The following RBFOX3 variants were observed in gnomAD, a reference collection of about 807,000 sequenced individuals.
RBFOX3 encodes the protein RNA binding protein fox-1 homolog 3.
A neutral mutation model predicts 48.7 loss-of-function variants in RBFOX3; 17 were observed. The ratio of observed to expected loss-of-function variants is 0.35; its 90% CI spans 0.24 to 0.52. RBFOX3 has a LOEUF of 0.52. Ranked by LOEUF, RBFOX3 falls within the 20% of genes least tolerant of loss-of-function variation. RBFOX3 has a pLI of 0.94. For synonymous variants in RBFOX3, 212 were observed against 209.5 expected (o/e 1.01, Z -0.10); for missense variants, 382 against 497.5 (o/e 0.77, Z 2.21).
intron 2 of RBFOX3, among the ~76,000 whole-genome samples, chr17:79,454,595 C>T (rs1202011262): frequency 1.3e-5 from 2 of 152,176 alleles, no homozygotes; most frequent in Non-Finnish European, 2.9e-5. Flanking sequence ...CAAGAAAGTC[C>T]AAGGAAGAAT....
At chr17:79,310,082 G>T (rs2076637931) in intron 2 of RBFOX3, among the ~76,000 whole-genome samples, 1 of 152,194 alleles carries the variant, frequency 6.6e-6, no homozygotes, top group Admixed American at 6.5e-5. Context: ...AGCCGCAGGT[G>T]CTCAGGGAAT....
At chr17:79,470,887 C>T (rs1424087700) in intron 2 of RBFOX3, among the ~76,000 whole-genome samples, 2 of 152,078 alleles carry the variant, frequency 1.3e-5, no homozygotes, top group East Asian at 1.9e-4. Context: ...TGGAGTCTTC[C>T]GGGGAAAATG....
intron 2 of RBFOX3, among the ~76,000 whole-genome samples, chr17:79,377,576 A>G (rs763243178): frequency 3.9e-5 from 6 of 152,180 alleles, no homozygotes; most frequent in Non-Finnish European, 7.4e-5. Context: ...CTTTGGTAGG[A>G]CGCAGAGCTG....
chr17:79,223,057 C>T (rs2059915074), intron 4 of RBFOX3, among the ~76,000 whole-genome samples: 1 of 152,136 alleles, frequency 6.6e-6, no homozygotes, highest in Admixed American at 6.5e-5. Context: ...AAACAAGCTG[C>T]CTGTCTCCTG....
chr17:79,469,394 C>A (rs2076776697), intron 2 of RBFOX3, among the ~76,000 whole-genome samples: 1 of 152,220 alleles, frequency 6.6e-6, no homozygotes, highest in Non-Finnish European at 1.5e-5. Context: ...AGGGACCAGA[C>A]CTGACCTGAA....
rs62063999 is a variant in RBFOX3 at position 79,390,041 on chromosome 17, T to G, written c.-174-82217A>C. On this transcript the variant is annotated intron_variant, in intron 2 of 14. Coordinates refer to ENST00000693108, the MANE Select transcript of RBFOX3 (RefSeq NM_001350451.2). The surrounding 1 kb of genome is among the most constrained non-coding windows in gnomAD (Gnocchi z 4.2). The stretch of plus-strand genomic sequence containing the variant: ...CCGCAGCCTCCAGGTCTCCGTAGCC[T>G]CCAGGTCTCCGCAGCCGCCGGGTCT... Among the ~76,000 whole-genome samples, 4,265 of 52,658 alleles carry G rather than the reference T, an allele frequency of 0.081. 80 individuals are homozygous for G. The highest frequency in any genetic ancestry group is 0.14 in the Middle Eastern group (11 of 78). The allele number at this position is 52,658 out of a possible 152,430, so 34.5% of individuals were successfully genotyped here.
Position 79,214,141 on chromosome 17 carries a change from T to C in RBFOX3, c.-34+21625A>G, listed in dbSNP as rs895756452. 6.6e-6 allele frequency among the ~76,000 whole-genome samples: 1 copy of C among 152,206 alleles called. No individual in the cohort carries two copies. Among genetic ancestry groups the C allele is most frequent in the African/African-American group, 2.4e-5 (1 of 41,456 alleles). On this transcript the variant is annotated intron_variant, in intron 4 of 14. Coordinates refer to ENST00000693108, the MANE Select transcript of RBFOX3 (RefSeq NM_001350451.2). This position sits in a 1 kb window ranked among gnomAD's most constrained non-coding sequence, Gnocchi z 4.7. ...AGTGAACTTCTTTGGTAAACCATGA[T>C]GGATCTCTCTTTAGGAACTGCCCCT... is the stretch of plus-strand genomic sequence containing the variant.
In RBFOX3 at chr17:79,243,927, G is replaced by A. The variant is rs1001732937; in HGVS notation, c.-73-8122C>T. On this transcript the variant is annotated intron_variant, in intron 3 of 14. Coordinates refer to ENST00000693108, the MANE Select transcript of RBFOX3 (RefSeq NM_001350451.2). This position sits in a 1 kb window ranked among gnomAD's most constrained non-coding sequence, Gnocchi z 7.9. The stretch of plus-strand genomic sequence containing the variant: ...TCCCAGAGGTAGGGGGCAGGTGGGA[G>A]GCCCAGTGTGGCATCTCTGCCCTGG... Among the ~76,000 whole-genome samples, 1 of 152,152 alleles carries A rather than the reference G, an allele frequency of 6.6e-6. No individual in the cohort carries two copies.
rs1312090821 is a variant in RBFOX3, at chr17:79,418,409, C to T, written c.-175+64045G>A. On this transcript the variant is annotated intron_variant, in intron 2 of 14. Transcript: ENST00000693108. The surrounding 1 kb of genome is among the most constrained non-coding windows in gnomAD (Gnocchi z 5.0). ...GTACCTGCCCCCAATTTTCCCTCCA[C>T]TAGATAATCTCCTTGAACAATTTCA... Among the ~76,000 whole-genome samples the T allele has an allele frequency of 6.6e-6, 1 of 152,198 alleles. No individual in the cohort carries two copies. The highest frequency in any genetic ancestry group is 1.5e-5 in the Non-Finnish European group (1 of 68,046).
intron 1 of RBFOX3, among the ~76,000 whole-genome samples, chr17:79,529,692 G>A (rs897771821): frequency 7.2e-5 from 11 of 152,222 alleles, no homozygotes; most frequent in Admixed American, 6.5e-4. Flanking sequence ...ACACCGCTGA[G>A]ATGATGCTGA....
chr17:79,468,845 T>TGG (rs2076676206), intron 2 of RBFOX3, among the ~76,000 whole-genome samples: 4 of 148,922 alleles, frequency 2.7e-5, no homozygotes, highest in Admixed American at 1.3e-4. Flanking sequence ...GATGGATGGA[T>TGG]AGATAGACAG....
chr17:79,350,736 G>A (rs934163422), intron 2 of RBFOX3, among the ~76,000 whole-genome samples: 4 of 152,198 alleles, frequency 2.6e-5, no homozygotes, highest in Non-Finnish European at 5.9e-5. Context: ...TCCTGTGAGA[G>A]CCCCTGATGA....
intron 4 of RBFOX3, among the ~76,000 whole-genome samples, chr17:79,219,885 G>T (rs2059504179): frequency 6.6e-6 from 1 of 151,992 alleles, no homozygotes; most frequent in African/African-American, 2.4e-5. Flanking sequence ...TTGGGCTAGT[G>T]TATCCCCTGC....
chr17:79,390,140 G>A lies in RBFOX3; in HGVS notation c.-174-82316C>T, dbSNP rs953398207. On this transcript the variant is annotated intron_variant, in intron 2 of 14. Coordinates refer to ENST00000693108, the MANE Select transcript of RBFOX3 (RefSeq NM_001350451.2). The surrounding 1 kb of genome is among the most constrained non-coding windows in gnomAD (Gnocchi z 4.2). ...CCGGCCGAGGGGCTGGGTCCACAGA[G>A]GAGGACCAGCAGCAGTGAAGGGCAA... Among the ~76,000 whole-genome samples, 1 of 152,200 alleles carries A rather than the reference G, an allele frequency of 6.6e-6. No homozygotes were observed. The highest frequency in any genetic ancestry group is 6.5e-5 in the Admixed American group (1 of 15,284).
chr17:79,343,650 G>A (rs976425913), intron 2 of RBFOX3, among the ~76,000 whole-genome samples: 29 of 152,322 alleles, frequency 1.9e-4, no homozygotes, highest in African/African-American at 6.7e-4. Context: ...CGTGGATCAG[G>A]TGTCACCTGG....
chr17:79,199,244 GC>G lies in RBFOX3; in HGVS notation c.-34+36521del, dbSNP rs950730923. On this transcript the variant is annotated intron_variant, in intron 4 of 14. Coordinates refer to ENST00000693108, the MANE Select transcript of RBFOX3 (RefSeq NM_001350451.2). This position sits in a 1 kb window ranked among gnomAD's most constrained non-coding sequence, Gnocchi z 5.1. ...AGGGCCTTTCGAAAAGACCTCCCTA[GC>G]CCCCCACCCTCGGCAGCACCACCCA... Among the ~76,000 whole-genome samples the G allele has an allele frequency of 2.0e-5, 3 of 152,122 alleles. No homozygotes were observed. The highest frequency in any genetic ancestry group is 4.4e-5 in the Non-Finnish European group (3 of 68,008).
intron 2 of RBFOX3, among the ~76,000 whole-genome samples, chr17:79,456,695 C>T (rs1268209000): frequency 1.3e-5 from 2 of 152,164 alleles, no homozygotes; most frequent in Non-Finnish European, 2.9e-5. Flanking sequence ...GTCAGACCCC[C>T]GGGAGTTCCC....
At chr17:79,097,565 C>G in intron 10 of RBFOX3, 127 bp downstream of exon 10, 1 of 1,223,784 alleles carries the variant, frequency 8.2e-7, no homozygotes, top group Non-Finnish European at 1.1e-6. Context: ...ACTCAGTCAA[C>G]ACGGCGACGG....
rs943185096 is a variant in RBFOX3 at position 79,204,285 on chromosome 17, G to A, written c.-34+31481C>T. On this transcript the variant is annotated intron_variant, in intron 4 of 14. Transcript: ENST00000693108. This position sits in a 1 kb window ranked among gnomAD's most constrained non-coding sequence, Gnocchi z 4.5. ...TACACACCAGTGGACGCCGGGGAGC[G>A]GACACACACCAGCGGGCGCCGGGGA... Among the ~76,000 whole-genome samples the A allele has an allele frequency of 1.2e-4, 19 of 152,002 alleles. No individual in the cohort carries two copies. The highest frequency in any genetic ancestry group is 7.3e-5 in the African/African-American group (3 of 41,360).
Sources: allele counts gnomAD v4.1 joint callset (sites outside exome capture counted in the v4.1 genomes callset), GRCh38; gene constraint gnomAD v4.1.1; non-coding constraint Gnocchi (gnomAD v3.1); transcripts MANE v1.5; gene names NCBI Gene and HGNC (gene_info 2026-07-23, HGNC 2026-07-21).